Variants in SLC45A4 observed in about 807,000 individuals in gnomAD.
SLC45A4 encodes polyamine-transporter SLC45A4.
A neutral mutation model predicts 63.7 loss-of-function variants in SLC45A4; 32 were observed. That is an observed-to-expected ratio of 0.50 (90% CI 0.38 to 0.67). The LOEUF is 0.67. Ranked by LOEUF, SLC45A4 falls within the 30% of genes least tolerant of loss-of-function variation. The pLI is 0.00. For synonymous variants in SLC45A4, 535 were observed against 510.0 expected (o/e 1.05, Z -0.66); for missense variants, 1,027 against 1,157.7 (o/e 0.89, Z 1.64).
rs1213398155 is a variant in SLC45A4 at position 141,278,676 on chromosome 8, G to C, written c.-400-24047C>G. Among the ~76,000 whole-genome samples, 5 of 152,266 alleles carry C rather than the reference G, an allele frequency of 3.3e-5. No homozygotes were observed. The highest frequency in any genetic ancestry group is 1.2e-4 in the African/African-American group (5 of 41,480). On this transcript the variant is annotated intron_variant, in intron 1 of 8. Transcript: ENST00000517878. This position sits in a 1 kb window ranked among gnomAD's most constrained non-coding sequence, Gnocchi z 4.1. ...CACAGGCAAGCAAGTGGAGGAAATA[G>C]AGGAACTGTGAGTGAGCAGAAAAAT...
At chr8:141,299,098 C>T (rs922252706) in intron 1 of SLC45A4, among the ~76,000 whole-genome samples, 18 of 152,256 alleles carry the variant, frequency 1.2e-4, no homozygotes, top group Middle Eastern at 3.4e-3. Context: ...CCTTCTCAGG[C>T]GCTTACTGAG....
chr8:141,268,079 G>A (rs1006406482), intron 1 of SLC45A4, among the ~76,000 whole-genome samples: 1 of 152,308 alleles, frequency 6.6e-6, no homozygotes. Context: ...TTGTGTAGGT[G>A]ACTGAATAAA....
rs77718407 is a variant in SLC45A4, at chr8:141,245,786, C to T, written c.241+8203G>A. 1.3e-3 allele frequency among the ~76,000 whole-genome samples: 200 copies of T among 152,288 alleles called. 6 individuals are homozygous for T. The East Asian group carries it at 0.034, about 26-fold the overall frequency. On this transcript the variant is annotated intron_variant, in intron 2 of 8. Transcript: ENST00000517878. ...CAGCAGCACTGTCTGCCAGCAGCAT[C>T]GCAGGCAGTGTCACCACTAACTTCT... is the stretch of plus-strand genomic sequence containing the variant.
chr8:141,274,482 C>T (rs147972944), intron 1 of SLC45A4, among the ~76,000 whole-genome samples: 4 of 149,298 alleles, frequency 2.7e-5, no homozygotes, highest in Admixed American at 6.8e-5. Flanking sequence ...TGCAGTGAGC[C>T]GCGATCGCAC....
At chr8:141,235,828 G>A (rs548840816) in intron 2 of SLC45A4, among the ~76,000 whole-genome samples, 12 of 152,186 alleles carry the variant, frequency 7.9e-5, no homozygotes, top group Non-Finnish European at 1.8e-4. Flanking sequence ...TTGGCCAGGC[G>A]TGGTGGCTCA....
intron 1 of SLC45A4, among the ~76,000 whole-genome samples, chr8:141,255,054 G>T (rs1326311033): frequency 6.6e-6 from 1 of 152,124 alleles, no homozygotes; most frequent in Non-Finnish European, 1.5e-5. Context: ...AAGTGGGGGA[G>T]GTAGGCAAAA....
chr8:141,254,822 T>C lies in SLC45A4; in HGVS notation c.-400-193A>G. The C allele has an allele frequency of 3.8e-6, 2 of 523,310 alleles. No individual in the cohort carries two copies. The highest frequency in any genetic ancestry group is 4.2e-5 in the East Asian group (1 of 23,694). 32.4% of individuals were successfully genotyped at this position (523,310 alleles called of 1,614,324 possible). A position where few individuals can be genotyped will look rare whatever the true frequency, so the allele number is the denominator to read the frequency against. ...TACTTTCTAGAAAAACATTTTCTCATACGAAAGTGAATCCTGGGGAAGGAC... is the reference window on the plus strand; with the variant it reads ...TACTTTCTAGAAAAACATTTTCTCACACGAAAGTGAATCCTGGGGAAGGAC... On this transcript the variant is annotated intron_variant, in intron 1 of 8. Coordinates refer to ENST00000517878, the MANE Select transcript of SLC45A4 (RefSeq NM_001286646.2). This position sits in a 1 kb window ranked among gnomAD's most constrained non-coding sequence, Gnocchi z 4.5.
At chr8:141,274,992 C>G (rs768123911) in intron 1 of SLC45A4, among the ~76,000 whole-genome samples, 3 of 152,234 alleles carry the variant, frequency 2.0e-5, no homozygotes, top group Non-Finnish European at 4.4e-5. Flanking sequence ...ACTTTCTCTT[C>G]GTGCTCTCCT....
At chr8:141,250,615 A>G (rs1406351771) in intron 2 of SLC45A4, among the ~76,000 whole-genome samples, 1 of 152,194 alleles carries the variant, frequency 6.6e-6, no homozygotes, top group Non-Finnish European at 1.5e-5. Context: ...CCTGGGCTCA[A>G]GTGATCCTCC....
chr8:141,290,728 G>A (rs1405235052), intron 1 of SLC45A4, among the ~76,000 whole-genome samples: 2 of 152,260 alleles, frequency 1.3e-5, no homozygotes, highest in African/African-American at 2.4e-5. Context: ...CTTGGGTCCA[G>A]AGACAGACCA....
chr8:141,219,291 C>T (rs1826428749), intron 4 of SLC45A4, among the ~76,000 whole-genome samples: 1 of 152,264 alleles, frequency 6.6e-6, no homozygotes, highest in Admixed American at 6.5e-5. Flanking sequence ...CGCCTCTCTG[C>T]ACTGAAGGGC....
chr8:141,291,343 C>G (rs1322596394), intron 1 of SLC45A4, among the ~76,000 whole-genome samples: 4 of 152,236 alleles, frequency 2.6e-5, no homozygotes, highest in Non-Finnish European at 4.4e-5. Context: ...ACGCGTTCAT[C>G]TAACTGGCCA....
rs1826063108 is a variant in SLC45A4 at position 141,215,153 on chromosome 8, A to T, written c.1941+606T>A. On this transcript the variant is annotated intron_variant, in intron 7 of 8. Coordinates refer to ENST00000517878, the MANE Select transcript of SLC45A4 (RefSeq NM_001286646.2). The surrounding 1 kb of genome is among the most constrained non-coding windows in gnomAD (Gnocchi z 4.3). The stretch of plus-strand genomic sequence containing the variant: ...AGCTGCATAAAGTCCAGAAAGAGGC[A>T]AGAGTCTGCCTGTGCTGCGGCTACT... Among the ~76,000 whole-genome samples, 1 of 152,226 alleles carries T rather than the reference A, an allele frequency of 6.6e-6. No homozygotes were observed. The highest frequency in any genetic ancestry group is 1.9e-4 in the East Asian group (1 of 5,192).
chr8:141,306,409 T>G (rs1303000178), intron 1 of SLC45A4, among the ~76,000 whole-genome samples: 2 of 151,592 alleles, frequency 1.3e-5, no homozygotes, highest in East Asian at 1.9e-4. Flanking sequence ...AGTTCTTTAC[T>G]GCGCCTGAGT....
intron 1 of SLC45A4, among the ~76,000 whole-genome samples, chr8:141,277,283 AGG>A (rs1829765959): frequency 1.3e-5 from 2 of 152,260 alleles, no homozygotes; most frequent in Non-Finnish European, 2.9e-5. Context: ...CCGGAATGAA[AGG>A]ACCATCATGG....
intron 1 of SLC45A4, among the ~76,000 whole-genome samples, chr8:141,255,181 C>T (rs1828715177): frequency 1.3e-5 from 2 of 152,204 alleles, no homozygotes; most frequent in South Asian, 2.1e-4. Context: ...CAGCCTCAAA[C>T]TCCTGGAATC....
chr8:141,238,352 T>A (rs1036824925), intron 2 of SLC45A4, among the ~76,000 whole-genome samples: 1 of 152,148 alleles, frequency 6.6e-6, no homozygotes, highest in South Asian at 2.1e-4. Context: ...TTTTAATCCC[T>A]GTGAGCGCAC....
At chr8:141,299,742 C>G (rs1264294478) in intron 1 of SLC45A4, among the ~76,000 whole-genome samples, 8 of 152,256 alleles carry the variant, frequency 5.3e-5, no homozygotes, top group Admixed American at 4.6e-4. Flanking sequence ...GCAGGAATTT[C>G]TAGAACCAGC....
rs779240596 is a variant in SLC45A4 at position 141,254,626 on chromosome 8, T to A, written c.-397A>T. On this transcript the variant is annotated 5_prime_UTR_variant, in exon 2 of 9. Transcript: ENST00000517878. This position sits in a 1 kb window ranked among gnomAD's most constrained non-coding sequence, Gnocchi z 4.5. The stretch of plus-strand genomic sequence containing the variant: ...TGGTAATCCCCATCGAGTGACTGGA[T>A]GATCTGCAAAAGAGGAAAACAACCC... 1 of 699,692 alleles carries A rather than the reference T, an allele frequency of 1.4e-6. No homozygotes were observed. Among genetic ancestry groups the A allele is most frequent in the South Asian group, 1.5e-5 (1 of 67,304 alleles). 43.3% of individuals were successfully genotyped at this position (699,692 alleles called of 1,614,324 possible).
Sources: gnomAD v4.1 joint callset for allele counts (sites outside exome capture counted in the v4.1 genomes callset) on GRCh38, gnomAD v4.1.1 for gene constraint, Gnocchi (gnomAD v3.1) non-coding constraint, MANE v1.5 for transcripts, NCBI Gene and HGNC (gene_info 2026-07-23, HGNC 2026-07-21) for gene names.